Variants in DNM3 observed in about 807,000 individuals in gnomAD.
The protein encoded by DNM3 is dynamin 3.
Under a neutral mutation model 101.6 loss-of-function variants are expected in DNM3, and 47 were observed. That is an observed-to-expected ratio of 0.46 (90% CI 0.37 to 0.59). The LOEUF (loss-of-function observed/expected upper bound fraction) is 0.59. DNM3 is among the 20% of genes least tolerant of loss of function. The pLI, the probability that DNM3 is intolerant of heterozygous loss-of-function variation, is 0.00. For missense variants in DNM3, 849 were observed against 1,085.7 expected (o/e 0.78, Z 3.06); for synonymous variants, 385 against 387.9 (o/e 0.99, Z 0.09).
chr1:171,974,994 G>T (rs1307864170), intron 2 of DNM3, among the ~76,000 whole-genome samples: 1 of 151,452 alleles, frequency 6.6e-6, no homozygotes, highest in Non-Finnish European at 1.5e-5. Flanking sequence ...AAGACTGCAC[G>T]TGCATGCCAC....
intron 1 of DNM3, among the ~76,000 whole-genome samples, chr1:171,907,247 T>A (rs2038905188): frequency 6.6e-6 from 1 of 152,148 alleles, no homozygotes; most frequent in South Asian, 2.1e-4. Context: ...ATCCCAGCAC[T>A]CTGGGAGGCT....
chr1:172,076,021 G>T lies in DNM3; in HGVS notation c.1423-5811G>T, dbSNP rs943193307. ...GTGGTTTGTAGTTCTCTTTGAAGAGGTCCTTCACATCCCTTGTAAGTTGTA... is the reference window on the plus strand; with the variant it reads ...GTGGTTTGTAGTTCTCTTTGAAGAGTTCCTTCACATCCCTTGTAAGTTGTA... On this transcript the variant is annotated intron_variant, in intron 11 of 20. Coordinates refer to ENST00000627582, the MANE Select transcript of DNM3 (RefSeq NM_015569.5). 7.2e-5 allele frequency among the ~76,000 whole-genome samples: 11 copies of T among 152,184 alleles called. No homozygotes were observed. The East Asian group carries it at 1.9e-3, about 27-fold the overall frequency.
At chr1:172,017,189 A>T (rs964295552) in intron 4 of DNM3, among the ~76,000 whole-genome samples, 1 of 152,138 alleles carries the variant, frequency 6.6e-6, no homozygotes, top group African/African-American at 2.4e-5. Flanking sequence ...TCAAAAAAAC[A>T]GGATTTAGTT....
At chr1:172,078,642 T>C (rs1572410732) in intron 11 of DNM3, among the ~76,000 whole-genome samples, 1 of 152,342 alleles carries the variant, frequency 6.6e-6, no homozygotes, top group East Asian at 1.9e-4. Flanking sequence ...AATATTGTTA[T>C]GTGTGAATTT....
At chr1:172,237,142 A>C (rs1387989381) in intron 14 of DNM3, among the ~76,000 whole-genome samples, 1 of 152,170 alleles carries the variant, frequency 6.6e-6, no homozygotes, top group Non-Finnish European at 1.5e-5. Context: ...AATTAGATGC[A>C]TGTTGCTGAG....
chr1:172,265,828 T>C (rs990020585), intron 15 of DNM3, among the ~76,000 whole-genome samples: 34 of 152,196 alleles, frequency 2.2e-4, no homozygotes, highest in African/African-American at 3.1e-4. Context: ...GAACTGTTTC[T>C]GTCCAGGGGG....
At chr1:172,241,759 G>T (rs79870969) in intron 14 of DNM3, among the ~76,000 whole-genome samples, 5,370 of 152,120 alleles carry the variant, frequency 0.035, 138 homozygotes, top group Middle Eastern at 0.095. Flanking sequence ...TGTGATTCAG[G>T]CCAACAAAAC....
chr1:172,412,856 C>A (rs1255165217), downstream of DNM3: 2 of 693,426 alleles, frequency 2.9e-6, no homozygotes, highest in African/African-American at 1.9e-5. Context: ...TTTTCCATTT[C>A]TGTCATTAAT....
chr1:171,926,097 T>C (rs2040550486), intron 2 of DNM3, among the ~76,000 whole-genome samples: 1 of 152,216 alleles, frequency 6.6e-6, no homozygotes, highest in African/African-American at 2.4e-5. Flanking sequence ...CTGTTTTGGT[T>C]ACTATAGCCT....
intron 14 of DNM3, among the ~76,000 whole-genome samples, chr1:172,227,304 A>ATATATATATATATC (rs1215756972): frequency 7.6e-5 from 10 of 131,548 alleles, no homozygotes; most frequent in Non-Finnish European, 9.7e-5. Flanking sequence ...ATATATATAT[A>ATATATATATATATC]TCACATTTTC....
intron 14 of DNM3, among the ~76,000 whole-genome samples, chr1:172,201,192 C>T (rs2060140084): frequency 6.6e-6 from 1 of 152,098 alleles, no homozygotes; most frequent in Non-Finnish European, 1.5e-5. Flanking sequence ...GGCACTTAGG[C>T]TTATTGGTCA....
chr1:171,887,014 A>G (rs2036840099), intron 1 of DNM3, among the ~76,000 whole-genome samples: 1 of 152,238 alleles, frequency 6.6e-6, no homozygotes, highest in Non-Finnish European at 1.5e-5. Context: ...ATCGTCAAAT[A>G]CAAGGGCAGG....
intron 17 of DNM3, among the ~76,000 whole-genome samples, chr1:172,357,860 T>G (rs1171732313): frequency 6.6e-6 from 1 of 152,084 alleles, no homozygotes; most frequent in African/African-American, 2.4e-5. Flanking sequence ...TCCTCCCATA[T>G]TCTAAGAAAG....
chr1:172,076,598 GT>G (rs1163486574), intron 11 of DNM3, among the ~76,000 whole-genome samples: 1 of 152,160 alleles, frequency 6.6e-6, no homozygotes, highest in African/African-American at 2.4e-5. Flanking sequence ...CATTGATTCT[GT>G]TTATGTGATG....
At chr1:172,381,184 T>C (rs1240812680) in intron 18 of DNM3, among the ~76,000 whole-genome samples, 1 of 151,982 alleles carries the variant, frequency 6.6e-6, no homozygotes, top group Non-Finnish European at 1.5e-5. Context: ...AACCTCCACC[T>C]ACAGGATATT....
chr1:172,247,662 T>TATTC (rs2062008455), intron 14 of DNM3, among the ~76,000 whole-genome samples: 3 of 149,820 alleles, frequency 2.0e-5, no homozygotes, highest in African/African-American at 4.9e-5. Flanking sequence ...ATTTCTTATT[T>TATTC]ATTTATTTAT....
At chr1:172,260,873 G>A (rs935633435) in intron 15 of DNM3, among the ~76,000 whole-genome samples, 1 of 151,814 alleles carries the variant, frequency 6.6e-6, no homozygotes, top group African/African-American at 2.4e-5. Flanking sequence ...GTGTCTCTCT[G>A]AGCTTCTTTA....
At chr1:172,280,815 A>C (rs945406391) in intron 15 of DNM3, among the ~76,000 whole-genome samples, 2 of 152,326 alleles carry the variant, frequency 1.3e-5, no homozygotes, top group Admixed American at 1.3e-4. Context: ...AAATACACAC[A>C]TGCATGCATA....
chr1:172,314,157 C>A (rs186377804), intron 16 of DNM3, among the ~76,000 whole-genome samples: 1 of 152,226 alleles, frequency 6.6e-6, no homozygotes, highest in East Asian at 1.9e-4. Context: ...CACATGCACA[C>A]GTATGTTTAT....
Sources: gnomAD v4.1 joint callset for allele counts (sites outside exome capture counted in the v4.1 genomes callset) on GRCh38, gnomAD v4.1.1 for gene constraint, MANE v1.5 for transcripts, NCBI Gene and HGNC (gene_info 2026-07-23, HGNC 2026-07-21) for gene names.